Variants in MCM6 observed in about 807,000 individuals in gnomAD.
MCM6 encodes DNA replication licensing factor MCM6.
MCM6 carries 46 observed loss-of-function variants against 94.3 expected under a neutral mutation model. That is an observed-to-expected ratio of 0.49 (90% CI 0.39 to 0.62). The LOEUF (loss-of-function observed/expected upper bound fraction) is 0.62. Among genes scored for constraint, MCM6 ranks in the 20% least tolerant of loss-of-function variants. The pLI, the probability that MCM6 is intolerant of heterozygous loss-of-function variation, is 0.00. For synonymous variants in MCM6, 335 were observed against 351.9 expected, an observed-to-expected ratio of 0.95 and a Z score of 0.54; for missense variants, 865 against 1,017.9, an observed-to-expected ratio of 0.85 and a Z score of 2.04.
In MCM6 at chr2:135,852,758, C is replaced by T. The variant is rs113577065; in HGVS notation, c.1755+29G>A. 3.3e-6 allele frequency: 5 copies of T among 1,501,470 alleles called. No homozygotes were observed. In the African/African-American group the frequency reaches 4.3e-5, roughly 13 times the overall value. The allele number at this position is 1,501,470 out of a possible 1,614,324, so 93.0% of individuals were successfully genotyped here. On this transcript the variant is annotated intron_variant, in intron 12 of 16. Coordinates refer to ENST00000264156, the MANE Select transcript of MCM6 (RefSeq NM_005915.6). ...ATTCCACTTTAATATACCCATTATACCTTATCCCAGTACAAAAGGGTAGGT... is the reference window on the plus strand; with the variant it reads ...ATTCCACTTTAATATACCCATTATATCTTATCCCAGTACAAAAGGGTAGGT...
rs1157518605 is a variant in MCM6, at chr2:135,863,946, A to C, written c.1078+1067T>G. Among the ~76,000 whole-genome samples, 3 of 152,040 alleles carry C rather than the reference A, an allele frequency of 2.0e-5. No individual in the cohort carries two copies. The South Asian group carries it at 6.2e-4, about 32-fold the overall frequency. ...GCCAACATGGCGAAACACCATCTCT[A>C]CTAAAAATACAAAAATTAGCTGAGT... On this transcript the variant is annotated intron_variant, in intron 7 of 16. Transcript: ENST00000264156.
At chr2:135,859,001 CCACCT>C (rs1679940514) in intron 9 of MCM6, among the ~76,000 whole-genome samples, 1 of 152,070 alleles carries the variant, frequency 6.6e-6, no homozygotes, top group African/African-American at 2.4e-5. Flanking sequence ...AGTGATCCTC[CCACCT>C]CAGCCTCTTG....
rs1175448106 is a variant in MCM6, at chr2:135,852,842, T to C, written c.1700A>G (p.Tyr567Cys). The C allele has an allele frequency of 1.2e-5, 20 of 1,611,338 alleles. No individual in the cohort carries two copies. Among genetic ancestry groups the C allele is most frequent in the South Asian group, 4.4e-5 (4 of 90,696 alleles). ...ATATCTTCTGATATCATCGAGGGAATAGACACGATCAATTGATTCCTCAAT... is the reference window on the plus strand; with the variant it reads ...ATATCTTCTGATATCATCGAGGGAACAGACACGATCAATTGATTCCTCAAT... ...SRIEESIDRV[Y>C]SLDDIRRYLL... The change falls in exon 12 of 17, where the codon TAT becomes TGT. Residue 567 changes from tyrosine (Y) to cysteine (C), a missense_variant. By Grantham distance (194) the Tyr-to-Cys change is radical (BLOSUM62 -2). Coordinates refer to ENST00000264156, the MANE Select transcript of MCM6 (RefSeq NM_005915.6).
chr2:135,866,345 A>G, intron 5 of MCM6, 68 bp from the exon 6 acceptor site: 2 of 1,571,024 alleles, frequency 1.3e-6, no homozygotes, highest in Non-Finnish European at 1.7e-6. Context: ...AATTGCTCAA[A>G]TAAATGAAAG....
intron 16 of MCM6, among the ~76,000 whole-genome samples, chr2:135,842,589 GC>G (rs1558752534): frequency 6.6e-6 from 1 of 152,180 alleles, no homozygotes; most frequent in Non-Finnish European, 1.5e-5. Context: ...ATACTGCTGG[GC>G]CATGTTAAAC....
At chr2:135,870,179 T>C (rs1680174631) in intron 3 of MCM6, 72 bp downstream of exon 3, 9 of 1,142,774 alleles carry the variant, frequency 7.9e-6, no homozygotes, top group Non-Finnish European at 1.2e-5. Context: ...CCTCTCAAGT[T>C]TTCTGACTGT....
chr2:135,852,781 G>A lies in MCM6; in HGVS notation c.1755+6C>T. 1 of 1,567,824 alleles carries A rather than the reference G, an allele frequency of 6.4e-7. No individual in the cohort carries two copies. Among genetic ancestry groups the A allele is most frequent in the Non-Finnish European group, 8.6e-7 (1 of 1,158,908 alleles). ...TACCTTATCCCAGTACAAAAGGGTAGGTTACCTTGGGTTTAAACTGTCTTG... is the reference window on the plus strand; with the variant it reads ...TACCTTATCCCAGTACAAAAGGGTAAGTTACCTTGGGTTTAAACTGTCTTG... On this transcript the variant is annotated splice_donor_region_variant and intron_variant, in intron 12 of 16. Coordinates refer to ENST00000264156, the MANE Select transcript of MCM6 (RefSeq NM_005915.6).
At chr2:135,862,868 A>G in intron 7 of MCM6, 120 bp from the exon 8 acceptor site, 3 of 997,706 alleles carry the variant, frequency 3.0e-6, no homozygotes, top group South Asian at 1.6e-5. Context: ...AAAGCAAAGC[A>G]TAAAACTGGA....
intron 14 of MCM6, 124 bp from the exon 15 acceptor site, chr2:135,846,516 T>A: frequency 6.4e-6 from 5 of 782,806 alleles, no homozygotes; most frequent in Middle Eastern, 3.2e-4. Flanking sequence ...TTATTATTAT[T>A]ATTTGTTTTA....
At chr2:135,861,537 C>A (rs1240813855) in intron 8 of MCM6, among the ~76,000 whole-genome samples, 1 of 152,140 alleles carries the variant, frequency 6.6e-6, no homozygotes, top group Admixed American at 6.5e-5. Flanking sequence ...TAAAAACAGT[C>A]AAAAATTGTG....
intron 6 of MCM6, among the ~76,000 whole-genome samples, chr2:135,865,474 TCC>T (rs1680077971): frequency 6.6e-6 from 1 of 152,212 alleles, no homozygotes. Flanking sequence ...TTATGTTCAC[TCC>T]CTTTTTCCAA....
At position 135,866,694 on chromosome 2, in the gene MCM6, C is replaced by A; in HGVS notation, c.650G>T (p.Arg217Leu). 1 of 1,612,796 alleles carries A rather than the reference C, an allele frequency of 6.2e-7. No individual in the cohort carries two copies. The highest frequency in any genetic ancestry group is 8.5e-7 in the Non-Finnish European group (1 of 1,179,588). ...RIQETQAELP[R>L]GSIPRSLEVI... ...TTCTAAACTGCGGGGGATACTCCCT[C>A]GAGGAAGCTCAGCTTGGGTCTCTTG... Residue 217 changes from arginine (R) to leucine (L), a missense_variant, in exon 5 of 17, where the codon CGA becomes CTA. Coordinates refer to ENST00000264156, the MANE Select transcript of MCM6 (RefSeq NM_005915.6).
intron 8 of MCM6, among the ~76,000 whole-genome samples, chr2:135,861,623 T>A (rs1366692128): frequency 6.6e-6 from 1 of 152,116 alleles, no homozygotes; most frequent in African/African-American, 2.4e-5. Context: ...TTTATTTTTA[T>A]TTTTTTTGAG....
At position 135,876,380 on chromosome 2, in the gene MCM6, G is replaced by C; in HGVS notation, c.-15C>G. The C allele has an allele frequency of 6.3e-7, 1 of 1,590,320 alleles. No individual in the cohort carries two copies. ...GCGAGGTCCATATTTGCTTAGTGCC[G>C]AGGATTCGCCTGCGCCACGCTCGAC... On this transcript the variant is annotated 5_prime_UTR_variant, in exon 1 of 17. Coordinates refer to ENST00000264156, the MANE Select transcript of MCM6 (RefSeq NM_005915.6).
In MCM6 at chr2:135,876,420, T is replaced by C; in HGVS notation, c.-55A>G. On this transcript the variant is annotated 5_prime_UTR_variant, in exon 1 of 17. Transcript: ENST00000264156. ...CCACGCTCGACCGCCACAAGTCGCTTTTTTCCAGACGCTGCAGCTTTGCGC... is the reference window on the plus strand; with the variant it reads ...CCACGCTCGACCGCCACAAGTCGCTCTTTTCCAGACGCTGCAGCTTTGCGC... The C allele has an allele frequency of 2.0e-6, 3 of 1,472,134 alleles. No individual in the cohort carries two copies. The highest frequency in any genetic ancestry group is 2.7e-6 in the Non-Finnish European group (3 of 1,092,484). 91.2% of individuals were successfully genotyped at this position (1,472,134 alleles called of 1,614,324 possible). A position where few individuals can be genotyped will look rare whatever the true frequency, so the allele number is the denominator to read the frequency against.
At chr2:135,865,761 G>A (rs1680083263) in intron 6 of MCM6, among the ~76,000 whole-genome samples, 2 of 151,918 alleles carry the variant, frequency 1.3e-5, no homozygotes, top group Admixed American at 1.3e-4. Context: ...CAAAAGATTT[G>A]GTTTTAAAAC....
At chr2:135,873,054 G>A (rs537267731) in intron 1 of MCM6, among the ~76,000 whole-genome samples, 2 of 152,124 alleles carry the variant, frequency 1.3e-5, no homozygotes, top group East Asian at 1.9e-4. Context: ...CATGTTGTGG[G>A]AGGCACCTGG....
At chr2:135,846,773 G>A (rs891508096) in intron 14 of MCM6, among the ~76,000 whole-genome samples, 16 of 152,120 alleles carry the variant, frequency 1.1e-4, no homozygotes, top group African/African-American at 3.4e-4. Context: ...CAAGGCCAAG[G>A]GAAGCACATC....
At chr2:135,861,665 T>G (rs1382997848) in intron 8 of MCM6, among the ~76,000 whole-genome samples, 5 of 152,168 alleles carry the variant, frequency 3.3e-5, no homozygotes, top group Admixed American at 2.6e-4. Flanking sequence ...CAGGATGGAG[T>G]GCAGTGGCGC....
Sources: allele counts gnomAD v4.1 joint callset (sites outside exome capture counted in the v4.1 genomes callset), GRCh38; gene constraint gnomAD v4.1.1; transcripts MANE v1.5; gene names NCBI Gene and HGNC (gene_info 2026-07-23, HGNC 2026-07-21).